CAPN13: variants seen among roughly 807,000 people sequenced by gnomAD.
The protein encoded by CAPN13 is calpain 13.
In CAPN13, 90 loss-of-function variants were observed where a neutral mutation model predicts 98.4. That is an observed-to-expected ratio of 0.92 (90% confidence interval 0.77 to 1.09). The LOEUF (loss-of-function observed/expected upper bound fraction) is 1.09, where lower values mean the gene tolerates loss of function less well. CAPN13 is among the 50% of genes least tolerant of loss of function. The pLI, the probability that CAPN13 is intolerant of heterozygous loss-of-function variation, is 0.00. For synonymous variants in CAPN13, 330 were observed against 305.5 expected, an observed-to-expected ratio of 1.08 and a Z score of -0.84; for missense variants, 887 against 841.3, an observed-to-expected ratio of 1.05 and a Z score of -0.67.
At chr2:30,739,056 G>C (rs1671525783) in intron 15 of CAPN13, among the ~76,000 whole-genome samples, 1 of 152,196 alleles carries the variant, frequency 6.6e-6, no homozygotes, top group South Asian at 2.1e-4. Flanking sequence ...GGAAGCAATT[G>C]AGGTTGGGGA....
At chr2:30,745,775 C>T (rs371215737) in intron 11 of CAPN13, 41 bp from the exon 12 acceptor site, 41 of 1,584,632 alleles carry the variant, frequency 2.6e-5, no homozygotes, top group East Asian at 4.5e-5. Flanking sequence ...GGAACTCAGA[C>T]GTAAACAAAA....
chr2:30,751,292 C>G (rs771915709), intron 10 of CAPN13, 41 bp from the exon 11 acceptor site: 2 of 1,606,100 alleles, frequency 1.2e-6, no homozygotes, highest in Non-Finnish European at 1.7e-6. Flanking sequence ...AGCTCCACTC[C>G]TGGGACTCCT....
At chr2:30,756,518 T>G (rs1401404685) in intron 8 of CAPN13, among the ~76,000 whole-genome samples, 1 of 152,186 alleles carries the variant, frequency 6.6e-6, no homozygotes, top group Non-Finnish European at 1.5e-5. Flanking sequence ...ACGGGCAAAT[T>G]ATCAATTGTG....
chr2:30,792,908 T>C (rs1276820583), intron 1 of CAPN13, among the ~76,000 whole-genome samples: 1 of 151,948 alleles, frequency 6.6e-6, no homozygotes. Context: ...GTTAGGTTGA[T>C]TTATATTTTT....
At chr2:30,791,981 G>A (rs769077412) in intron 1 of CAPN13, among the ~76,000 whole-genome samples, 52 of 152,178 alleles carry the variant, frequency 3.4e-4, no homozygotes, top group Non-Finnish European at 4.1e-4. Context: ...TTATTGCCCC[G>A]GTTTCTCTCT....
At chr2:30,756,344 C>G (rs112337490) in intron 8 of CAPN13, among the ~76,000 whole-genome samples, 2 of 152,116 alleles carry the variant, frequency 1.3e-5, no homozygotes, top group Non-Finnish European at 2.9e-5. Flanking sequence ...ATCTAGTGAT[C>G]TCTTCTGAAG....
chr2:30,756,779 C>T (rs980379721), intron 8 of CAPN13, among the ~76,000 whole-genome samples: 12 of 152,244 alleles, frequency 7.9e-5, no homozygotes, highest in African/African-American at 2.2e-4. Flanking sequence ...AGAGGAGAAA[C>T]GGGGGCAGGG....
At chr2:30,797,330 G>T (rs1324066072) in intron 1 of CAPN13, among the ~76,000 whole-genome samples, 2 of 152,102 alleles carry the variant, frequency 1.3e-5, no homozygotes, top group Non-Finnish European at 2.9e-5. Context: ...ACTCTGCCTT[G>T]TGTCTTAAGG....
intron 1 of CAPN13, among the ~76,000 whole-genome samples, chr2:30,787,691 G>A (rs1388138983): frequency 6.6e-6 from 1 of 152,202 alleles, no homozygotes; most frequent in African/African-American, 2.4e-5. Context: ...CAGCTTCCCT[G>A]AGCAGCAAGT....
intron 1 of CAPN13, among the ~76,000 whole-genome samples, chr2:30,800,172 G>GAAAGAAAGA: frequency 6.6e-6 from 1 of 151,042 alleles, no homozygotes; most frequent in African/African-American, 2.4e-5. Flanking sequence ...AAGAAAGAAA[G>GAAAGAAAGA]AAAGAAAGAA....
intron 8 of CAPN13, among the ~76,000 whole-genome samples, chr2:30,754,746 T>C (rs1001682754): frequency 2.0e-5 from 3 of 152,106 alleles, no homozygotes; most frequent in Non-Finnish European, 4.4e-5. Context: ...ATAGCATTCA[T>C]TGATTGATCC....
chr2:30,763,707 A>G (rs1032059647), intron 6 of CAPN13, among the ~76,000 whole-genome samples: 6 of 152,228 alleles, frequency 3.9e-5, no homozygotes, highest in African/African-American at 1.4e-4. Flanking sequence ...CTGCCATTAG[A>G]GCCAGTGAGC....
intron 6 of CAPN13, 42 bp from the exon 7 acceptor site, chr2:30,763,198 G>T (rs1672935323): frequency 1.3e-6 from 2 of 1,550,792 alleles, no homozygotes; most frequent in South Asian, 2.3e-5. Flanking sequence ...ACATCTACAG[G>T]TTCTTCAAAG....
intron 22 of CAPN13, among the ~76,000 whole-genome samples, chr2:30,725,434 G>A (rs2593486): frequency 0.018 from 2,797 of 152,130 alleles, 91 homozygotes; most frequent in African/African-American, 0.063. Context: ...GCCAGAGAGA[G>A]GAACAGAAGT....
chr2:30,781,150 C>T (rs1274630941), intron 2 of CAPN13, among the ~76,000 whole-genome samples: 1 of 152,180 alleles, frequency 6.6e-6, no homozygotes, highest in Admixed American at 6.5e-5. Context: ...ATTCTGAGAC[C>T]CAGCCAGGGC....
intron 5 of CAPN13, among the ~76,000 whole-genome samples, chr2:30,769,460 T>A (rs983782991): frequency 2.6e-5 from 4 of 152,148 alleles, no homozygotes; most frequent in Non-Finnish European, 5.9e-5. Context: ...ATGGAAAGTT[T>A]GAGTGTATCT....
At chr2:30,731,306 G>T in intron 21 of CAPN13, 38 bp downstream of exon 21, 1 of 1,573,844 alleles carries the variant, frequency 6.4e-7, no homozygotes, top group Non-Finnish European at 8.6e-7. Flanking sequence ...GAGGCAGCCT[G>T]GGACTGTGCC....
intron 5 of CAPN13, among the ~76,000 whole-genome samples, chr2:30,766,338 A>G (rs1673111240): frequency 6.6e-6 from 1 of 152,200 alleles, no homozygotes; most frequent in South Asian, 2.1e-4. Context: ...CAAGACAACC[A>G]AAGGCACTCC....
chr2:30,738,103 A>G, intron 17 of CAPN13, 132 bp downstream of exon 17: 2 of 895,582 alleles, frequency 2.2e-6, no homozygotes, highest in East Asian at 2.6e-5. Flanking sequence ...GAATCCCCAG[A>G]AACTCAAGGA....
Sources: allele counts gnomAD v4.1 joint callset (sites outside exome capture counted in the v4.1 genomes callset), GRCh38; gene constraint gnomAD v4.1.1; transcripts MANE v1.5; gene names NCBI Gene and HGNC (gene_info 2026-07-23, HGNC 2026-07-21).